TET3: variants seen among roughly 807,000 people sequenced by gnomAD.
The protein encoded by TET3 is methylcytosine dioxygenase TET3.
In TET3, 19 loss-of-function variants were observed where a neutral mutation model predicts 141.4. The observed-to-expected ratio is 0.13, with a 90% CI of 0.09 to 0.20. The LOEUF (loss-of-function observed/expected upper bound fraction) is 0.20, where lower values mean the gene tolerates loss of function less well. Among genes scored for constraint, TET3 ranks in the 10% least tolerant of loss-of-function variants. The pLI, the probability that TET3 is intolerant of heterozygous loss-of-function variation, is 1.00. For synonymous variants in TET3, 1,043 were observed against 980.9 expected, an observed-to-expected ratio of 1.06 and a Z score of -1.18; for missense variants, 1,874 against 2,356.9, an observed-to-expected ratio of 0.80 and a Z score of 4.24.
intron 3 of TET3, among the ~76,000 whole-genome samples, chr2:74,033,247 T>C (rs1352775432): frequency 2.6e-5 from 4 of 152,248 alleles, no homozygotes; most frequent in Non-Finnish European, 1.5e-5. Flanking sequence ...TTACTCATCC[T>C]CTATCACGCA....
chr2:74,027,973 TTG>T lies in TET3; in HGVS notation c.361-18300_361-18299del, dbSNP rs541070906. Among the ~76,000 whole-genome samples, 323 of 152,238 alleles carry T rather than the reference TTG, an allele frequency of 2.1e-3. 2 individuals carry two copies. Among genetic ancestry groups the T allele is most frequent in the Non-Finnish European group, 3.7e-3 (250 of 68,008 alleles). On this transcript the variant is annotated intron_variant, in intron 3 of 11. Coordinates refer to ENST00000409262, the MANE Select transcript of TET3 (RefSeq NM_001287491.2). ...ATATGATTTATAAATTTTTTTCCCA[TTG>T]TGTGGGTTTTTTTCACTTTTTTTTT... is the stretch of plus-strand genomic sequence containing the variant.
At chr2:74,041,611 C>T (rs1330381854) in intron 3 of TET3, among the ~76,000 whole-genome samples, 3 of 152,124 alleles carry the variant, frequency 2.0e-5, no homozygotes, top group South Asian at 2.1e-4. Flanking sequence ...TCTGTTAAGG[C>T]GAAGTACTGT....
downstream of TET3, among the ~76,000 whole-genome samples, chr2:74,112,036 T>G (rs1369121222): frequency 6.6e-6 from 1 of 152,178 alleles, no homozygotes; most frequent in Non-Finnish European, 1.5e-5. Flanking sequence ...TAGCCCCCAT[T>G]TGATCTCCCT....
chr2:74,113,027 A>C (rs1055982692), downstream of TET3, among the ~76,000 whole-genome samples: 4 of 149,990 alleles, frequency 2.7e-5, no homozygotes, highest in African/African-American at 7.3e-5. Context: ...AAAAAAAAAA[A>C]AAAAAAAACC....
chr2:74,031,336 G>A (rs1161934435), intron 3 of TET3, among the ~76,000 whole-genome samples: 1 of 152,086 alleles, frequency 6.6e-6, no homozygotes, highest in African/African-American at 2.4e-5. Context: ...CCAGAGAGAC[G>A]AGGGACCCCC....
rs1002973721 is a variant in TET3, at chr2:74,103,433, C to T, written c.*1257C>T. The T allele has an allele frequency of 3.9e-5, 6 of 152,248 alleles. No individual in the cohort carries two copies. The East Asian group carries it at 1.2e-3, about 29-fold the overall frequency. The allele number at this position is 152,248 out of a possible 1,614,324, so 9.4% of individuals were successfully genotyped here. A position where few individuals can be genotyped will look rare whatever the true frequency, so the allele number is the denominator to read the frequency against. ...GCATGCCTCACACCTGAGCCTGCTT[C>T]CTCCATGCTGTCATTGGGTTCGGGG... is the stretch of plus-strand genomic sequence containing the variant. On this transcript the variant is annotated 3_prime_UTR_variant, in exon 12 of 12. Coordinates refer to ENST00000409262, the MANE Select transcript of TET3 (RefSeq NM_001287491.2).
intron 2 of TET3, 42 bp from the exon 3 acceptor site, chr2:74,003,068 G>T (rs1465719853): frequency 5.8e-6 from 9 of 1,550,104 alleles, no homozygotes; most frequent in African/African-American, 1.4e-5. Context: ...CTGCCTTCCT[G>T]GTACCCGCCT....
the TET3 span, among the ~76,000 whole-genome samples, chr2:74,113,712 A>C: frequency 6.6e-6 from 1 of 152,314 alleles, no homozygotes; most frequent in East Asian, 1.9e-4. Context: ...CTACCAAAAA[A>C]TAAAATAAAA....
chr2:74,099,751 G>C (rs1691061841), intron 11 of TET3, 139 bp downstream of exon 11: 1 of 886,362 alleles, frequency 1.1e-6, no homozygotes, highest in African/African-American at 1.7e-5. Context: ...ATCTGCAGCA[G>C]CCACAGCCAG....
At chr2:74,015,135 G>C (rs140583282) in intron 3 of TET3, among the ~76,000 whole-genome samples, 1 of 152,330 alleles carries the variant, frequency 6.6e-6, no homozygotes, top group African/African-American at 2.4e-5. Flanking sequence ...ACCCAAGGGA[G>C]AAGGTGCAGT....
chr2:74,098,367 G>A (rs1344431976), intron 10 of TET3, among the ~76,000 whole-genome samples: 1 of 152,028 alleles, frequency 6.6e-6, no homozygotes, highest in Non-Finnish European at 1.5e-5. Flanking sequence ...TAATGCACAG[G>A]AAAATATTTA....
At chr2:74,127,497 G>A in the TET3 span, among the ~76,000 whole-genome samples, 1 of 152,122 alleles carries the variant, frequency 6.6e-6, no homozygotes, top group Non-Finnish European at 1.5e-5. Flanking sequence ...AGCACTAGTA[G>A]ACTACCAGCT....
intron 5 of TET3, chr2:74,073,932 G>T (rs1689352540): frequency 8.6e-6 from 2 of 232,278 alleles, no homozygotes; most frequent in East Asian, 1.8e-4. Context: ...GAATTTTGCT[G>T]ATAGCTTTCC....
rs745907797 is a variant in TET3 at position 74,046,777 on chromosome 2, A to C, written c.860A>C (p.Glu287Ala). Residue 287 changes from glutamate to alanine, a missense_variant, in exon 4 of 12, where the codon GAG (glutamate) becomes GCG (alanine). Physicochemically the swap from Glu to Ala is moderately radical, Grantham distance 107. Around this residue, in one of 10 missense-constraint regions of TET3, gnomAD observed 366 missense variants for 487.0 expected, o/e 0.75. Transcript: ENST00000409262. This position sits in a 1 kb window ranked among gnomAD's most constrained non-coding sequence, Gnocchi z 4.3. ...PECPDYLEWL[E>A]GKIKSVVMEG... ...TGCCCTGACTACCTCGAGTGGCTGG[A>C]GGGGAAGATCAAGTCTGTGGTCATG... 1 of 1,612,930 alleles carries C rather than the reference A, an allele frequency of 6.2e-7. No homozygotes were observed. The highest frequency in any genetic ancestry group is 8.5e-7 in the Non-Finnish European group (1 of 1,179,840).
chr2:74,085,316 A>T (rs982324206), intron 6 of TET3, among the ~76,000 whole-genome samples: 4 of 152,054 alleles, frequency 2.6e-5, no homozygotes, highest in Non-Finnish European at 4.4e-5. Flanking sequence ...CCCCCTGTTG[A>T]TGGGGCAGAT....
Position 74,090,240 on chromosome 2 carries a change from T to C in TET3, c.3039+193T>C, listed in dbSNP as rs572058012. On this transcript the variant is annotated intron_variant, in intron 8 of 11. Transcript: ENST00000409262. ...GTGGAGGGCACCAAGTGTGAAAAAT[T>C]AGACTTAGCAGTTACGGGTGCCCCA... Among the ~76,000 whole-genome samples, 11 of 152,200 alleles carry C rather than the reference T, an allele frequency of 7.2e-5. No homozygotes were observed. In the South Asian group the frequency reaches 8.3e-4, roughly 11 times the overall value.
chr2:74,076,456 T>G (rs558773486), intron 5 of TET3, among the ~76,000 whole-genome samples: 28 of 142,820 alleles, frequency 2.0e-4, no homozygotes, highest in African/African-American at 3.8e-4. Context: ...TTTTTTTTTT[T>G]TTTTTTTTTT....
intron 2 of TET3, among the ~76,000 whole-genome samples, chr2:73,999,407 C>T (rs548580636): frequency 1.3e-5 from 2 of 152,176 alleles, no homozygotes; most frequent in Admixed American, 1.3e-4. Context: ...ATATCATGCT[C>T]TATGGGGCCT....
At chr2:74,035,927 A>G (rs72907119) in intron 3 of TET3, among the ~76,000 whole-genome samples, 4,316 of 150,790 alleles carry the variant, frequency 0.029, 211 homozygotes, top group African/African-American at 0.099. Context: ...CTGAGGTACA[A>G]GAATCATTGA....
Sources: allele counts gnomAD v4.1 joint callset (sites outside exome capture counted in the v4.1 genomes callset), GRCh38; gene constraint gnomAD v4.1.1; regional missense constraint gnomAD v4.1.1; non-coding constraint Gnocchi (gnomAD v3.1); transcripts MANE v1.5; gene names NCBI Gene and HGNC (gene_info 2026-07-23, HGNC 2026-07-21).